FOXP2: variants seen among roughly 807,000 people sequenced by gnomAD.
The protein encoded by FOXP2 is forkhead box protein P2.
FOXP2 carries 12 observed loss-of-function variants against 115.8 expected under a neutral mutation model. The ratio of observed to expected loss-of-function variants is 0.10; its 90% CI spans 0.07 to 0.17. FOXP2 has a LOEUF of 0.17. FOXP2 is among the 10% of genes least tolerant of loss of function. The pLI is 1.00. For missense variants in FOXP2, 629 were observed against 843.5 expected (o/e 0.75, Z 3.15); for synonymous variants, 328 against 297.7 (o/e 1.10, Z -1.05).
At chr7:114,641,681 G>C (rs1204262185) in intron 6 of FOXP2, among the ~76,000 whole-genome samples, 2 of 151,492 alleles carry the variant, frequency 1.3e-5, no homozygotes, top group Non-Finnish European at 2.9e-5. Flanking sequence ...TTTGAAATCT[G>C]TTTCTCTTTC....
At chr7:114,268,010 A>G (rs1277565625) in intron 1 of FOXP2, among the ~76,000 whole-genome samples, 2 of 151,922 alleles carry the variant, frequency 1.3e-5, no homozygotes, top group Non-Finnish European at 2.9e-5. Context: ...TTCTGTGTCC[A>G]TGTATTTGAC....
intron 2 of FOXP2, among the ~76,000 whole-genome samples, chr7:114,471,912 A>C (rs1311976884): frequency 6.6e-6 from 1 of 151,216 alleles, no homozygotes; most frequent in Non-Finnish European, 1.5e-5. Flanking sequence ...GTGAGCTGAG[A>C]TTGCACTGCT....
chr7:114,544,604 A>C (rs73716909), intron 3 of FOXP2, among the ~76,000 whole-genome samples: 3,751 of 152,316 alleles, frequency 0.025, 116 homozygotes, highest in African/African-American at 0.082. Context: ...GCACGTTCTC[A>C]AGTGACAAAC....
intron 3 of FOXP2, among the ~76,000 whole-genome samples, chr7:114,584,704 C>T (rs1275175791): frequency 6.6e-6 from 1 of 152,188 alleles, no homozygotes; most frequent in Non-Finnish European, 1.5e-5. Context: ...TGGCTTTGCC[C>T]ACTCAAGTCT....
chr7:114,118,484 G>C (rs1791471124), intron 1 of FOXP2, among the ~76,000 whole-genome samples: 1 of 147,704 alleles, frequency 6.8e-6, no homozygotes, highest in African/African-American at 2.5e-5. Flanking sequence ...CCTAATCAGA[G>C]TCAAGCTTTG....
intron 2 of FOXP2, among the ~76,000 whole-genome samples, chr7:114,382,280 C>T (rs749906394): frequency 1.3e-5 from 2 of 152,148 alleles, no homozygotes; most frequent in East Asian, 1.9e-4. Flanking sequence ...GTCAAGCATA[C>T]CTGGGGCTCT....
chr7:114,479,176 T>C (rs1266275164), intron 2 of FOXP2, among the ~76,000 whole-genome samples: 3 of 151,780 alleles, frequency 2.0e-5, no homozygotes, highest in African/African-American at 7.3e-5. Flanking sequence ...TTTCCAGTAG[T>C]GGTTTTGTTT....
intron 2 of FOXP2, among the ~76,000 whole-genome samples, chr7:114,324,875 A>C (rs1797519018): frequency 6.6e-6 from 1 of 151,874 alleles, no homozygotes. Context: ...TTTTTAAAAA[A>C]TCCAGTTCCT....
At chr7:114,621,829 T>G (rs1804273069) in intron 3 of FOXP2, among the ~76,000 whole-genome samples, 1 of 152,000 alleles carries the variant, frequency 6.6e-6, no homozygotes, top group Admixed American at 6.6e-5. Context: ...AATAAACACT[T>G]AAAAATAATC....
At chr7:114,527,954 C>T (rs1263305620) in intron 2 of FOXP2, among the ~76,000 whole-genome samples, 1 of 152,092 alleles carries the variant, frequency 6.6e-6, no homozygotes, top group African/African-American at 2.4e-5. Flanking sequence ...TCTTGTCTCA[C>T]TCTCTTCATC....
chr7:114,109,895 G>A (rs1481305811), intron 1 of FOXP2, among the ~76,000 whole-genome samples: 1 of 152,078 alleles, frequency 6.6e-6, no homozygotes, highest in Non-Finnish European at 1.5e-5. Flanking sequence ...TTGAGCATTT[G>A]CTGTGGCATA....
chr7:114,209,355 T>A (rs577158695), intron 1 of FOXP2, among the ~76,000 whole-genome samples: 2 of 152,344 alleles, frequency 1.3e-5, no homozygotes, highest in East Asian at 3.9e-4. Context: ...ATGTCGTTAT[T>A]AGCAGCATGA....
At chr7:114,377,106 A>G (rs1402711430) in intron 2 of FOXP2, among the ~76,000 whole-genome samples, 1 of 152,148 alleles carries the variant, frequency 6.6e-6, no homozygotes, top group Non-Finnish European at 1.5e-5. Context: ...GAGGAAGGAA[A>G]ACCAAATCAG....
intron 2 of FOXP2, among the ~76,000 whole-genome samples, chr7:114,502,730 A>G (rs1797624102): frequency 6.6e-6 from 1 of 152,048 alleles, no homozygotes; most frequent in African/African-American, 2.4e-5. Context: ...TTTCCCATAA[A>G]TGCACAGATT....
intron 2 of FOXP2, among the ~76,000 whole-genome samples, chr7:114,330,852 G>T (rs1797690801): frequency 6.6e-6 from 1 of 152,140 alleles, no homozygotes; most frequent in Non-Finnish European, 1.5e-5. Context: ...TAGCTGAAGA[G>T]GCAAAGGTGC....
chr7:114,593,368 C>T (rs529662307), intron 3 of FOXP2, among the ~76,000 whole-genome samples: 23 of 151,998 alleles, frequency 1.5e-4, no homozygotes, highest in African/African-American at 2.7e-4. Context: ...ATATTTTTGA[C>T]GTATCCTTTC....
chr7:114,196,275 G>T (rs1054983430), intron 1 of FOXP2, among the ~76,000 whole-genome samples: 2 of 151,854 alleles, frequency 1.3e-5, no homozygotes, highest in African/African-American at 4.8e-5. Context: ...CTTCCAAAGT[G>T]CTGTGATTAT....
chr7:114,606,595 C>G (rs1554429483), intron 3 of FOXP2, among the ~76,000 whole-genome samples: 1 of 152,170 alleles, frequency 6.6e-6, no homozygotes, highest in Non-Finnish European at 1.5e-5. Context: ...GCCCTCTCCT[C>G]ATTCTTTCTT....
chr7:114,686,173 ACTT>A (rs1214033494), intron 16 of FOXP2, among the ~76,000 whole-genome samples: 26 of 151,374 alleles, frequency 1.7e-4, no homozygotes, highest in African/African-American at 5.8e-4. Flanking sequence ...AAATTATAAT[ACTT>A]CTTTTTTTTT....
Sources: allele counts gnomAD v4.1 joint callset (sites outside exome capture counted in the v4.1 genomes callset), GRCh38; gene constraint gnomAD v4.1.1; transcripts MANE v1.5; gene names NCBI Gene and HGNC (gene_info 2026-07-23, HGNC 2026-07-21).